Variants in FBXL17 observed in about 807,000 individuals in gnomAD.
FBXL17 encodes the protein F-box and leucine rich repeat protein 17.
Under a neutral mutation model 66.2 loss-of-function variants are expected in FBXL17, and 22 were observed. The ratio of observed to expected loss-of-function variants is 0.33; its 90% CI spans 0.24 to 0.47. The LOEUF (loss-of-function observed/expected upper bound fraction) is 0.47. FBXL17 is among the 20% of genes least tolerant of loss of function. FBXL17 has a pLI of 1.00. For synonymous variants in FBXL17, 474 were observed against 400.5 expected (o/e 1.18, Z -2.19); for missense variants, 878 against 948.2 (o/e 0.93, Z 0.97).
chr5:108,238,733 G>A (rs977920215), intron 4 of FBXL17, among the ~76,000 whole-genome samples: 6 of 152,008 alleles, frequency 3.9e-5, no homozygotes, highest in African/African-American at 1.5e-4. Flanking sequence ...TGCCCAGGCT[G>A]GTTTTGAACT....
chr5:108,297,848 C>G (rs1295917373), intron 4 of FBXL17: 1 of 872,608 alleles, frequency 1.1e-6, no homozygotes, highest in Non-Finnish European at 1.4e-6. Context: ...CATTCTATTC[C>G]TTTGGTAGAA....
At chr5:107,945,325 G>A (rs1303976817) in intron 7 of FBXL17, among the ~76,000 whole-genome samples, 1 of 152,076 alleles carries the variant, frequency 6.6e-6, no homozygotes, top group Non-Finnish European at 1.5e-5. Flanking sequence ...GTATAAATTA[G>A]CACAACTTAC....
intron 6 of FBXL17, among the ~76,000 whole-genome samples, chr5:108,104,022 A>G (rs1461566314): frequency 1.3e-5 from 2 of 152,106 alleles, no homozygotes; most frequent in African/African-American, 4.8e-5. Flanking sequence ...TCTTTCTGCA[A>G]CCAATTTTGT....
chr5:107,982,195 T>C (rs1752855955), intron 7 of FBXL17, among the ~76,000 whole-genome samples: 1 of 152,196 alleles, frequency 6.6e-6, no homozygotes, highest in Admixed American at 6.5e-5. Context: ...GAGAGTCTTG[T>C]CTTTAGTACA....
intron 7 of FBXL17, among the ~76,000 whole-genome samples, chr5:107,994,209 G>A (rs554858495): frequency 1.3e-5 from 2 of 152,178 alleles, no homozygotes; most frequent in African/African-American, 4.8e-5. Context: ...CTAGTGACAT[G>A]ATATCGCAAA....
intron 4 of FBXL17, among the ~76,000 whole-genome samples, chr5:108,232,805 A>ATATATATATATATATATATAT (rs70996987): frequency 2.9e-4 from 30 of 105,120 alleles, no homozygotes; most frequent in Non-Finnish European, 4.9e-4. Flanking sequence ...ATATATATAT[A>ATATATATATATATATATATAT]ATATATACTA....
intron 7 of FBXL17, among the ~76,000 whole-genome samples, chr5:107,925,969 A>T (rs1750511951): frequency 6.6e-6 from 1 of 152,140 alleles, no homozygotes; most frequent in South Asian, 2.1e-4. Context: ...TTTGCACATA[A>T]ATTGTGGCAT....
intron 5 of FBXL17, among the ~76,000 whole-genome samples, chr5:108,213,835 C>G (rs535916024): frequency 4.6e-5 from 7 of 152,238 alleles, no homozygotes; most frequent in African/African-American, 1.4e-4. Context: ...GTCCCTAATC[C>G]CTAATGCTAC....
chr5:108,106,253 A>G (rs1239271970), intron 6 of FBXL17, among the ~76,000 whole-genome samples: 1 of 152,222 alleles, frequency 6.6e-6, no homozygotes, highest in Non-Finnish European at 1.5e-5. Flanking sequence ...AATTGAAAAG[A>G]CAGATAATAA....
intron 7 of FBXL17, among the ~76,000 whole-genome samples, chr5:108,013,297 C>A (rs1275837373): frequency 6.6e-6 from 1 of 152,094 alleles, no homozygotes; most frequent in African/African-American, 2.4e-5. Context: ...TTGGAACTTA[C>A]CCTGAATTTT....
At chr5:108,055,296 A>AC (rs1561388181) in intron 6 of FBXL17, among the ~76,000 whole-genome samples, 12 of 31,932 alleles carry the variant, frequency 3.8e-4, no homozygotes, top group African/African-American at 1.5e-3. Flanking sequence ...AAAAAAAAAA[A>AC]AAAAAAAAAA....
intron 6 of FBXL17, among the ~76,000 whole-genome samples, chr5:108,089,516 A>G (rs988118432): frequency 5.3e-5 from 8 of 151,726 alleles, no homozygotes; most frequent in African/African-American, 1.9e-4. Context: ...CTTAATCTCT[A>G]CCTCCTCAGG....
chr5:108,143,085 C>T (rs1751418228), intron 6 of FBXL17, among the ~76,000 whole-genome samples: 1 of 151,918 alleles, frequency 6.6e-6, no homozygotes, highest in Admixed American at 6.6e-5. Flanking sequence ...AAGAACTTAA[C>T]ACCTGATGAT....
intron 7 of FBXL17, among the ~76,000 whole-genome samples, chr5:107,927,591 C>T (rs2112569752): frequency 6.6e-6 from 1 of 152,166 alleles, no homozygotes; most frequent in East Asian, 1.9e-4. Flanking sequence ...ACTATGAACA[C>T]ATAATGATTC....
intron 6 of FBXL17, among the ~76,000 whole-genome samples, chr5:108,140,840 T>A (rs1288167145): frequency 1.3e-5 from 2 of 152,114 alleles, no homozygotes; most frequent in African/African-American, 4.8e-5. Context: ...TTCTTTTTTT[T>A]TTTTACTCCC....
intron 7 of FBXL17, among the ~76,000 whole-genome samples, chr5:107,995,005 G>T (rs749722502): frequency 2.0e-5 from 3 of 152,132 alleles, no homozygotes; most frequent in Non-Finnish European, 4.4e-5. Flanking sequence ...AAGGGTCATG[G>T]GGGCATCGTG....
chr5:108,381,096 C>T lies in FBXL17; in HGVS notation c.596G>A (p.Arg199Gln). 7.8e-7 allele frequency: 1 copy of T among 1,281,642 alleles called. No homozygotes were observed. The highest frequency in any genetic ancestry group is 9.9e-7 in the Non-Finnish European group (1 of 1,015,206). The allele number at this position is 1,281,642 out of a possible 1,614,324, so 79.4% of individuals were successfully genotyped here. The change falls in exon 1 of 9, where the codon CGG becomes CAG. Residue 199 changes from arginine (R) to glutamine (Q), a missense_variant. Around this residue, in one of 4 missense-constraint regions of FBXL17, gnomAD observed 605 missense variants for 509.5 expected, o/e 1.19. Transcript: ENST00000542267. Reference protein sequence around the residue: ...LPTPPEMVCKRKGAGVPACTP... With the variant: ...LPTPPEMVCKQKGAGVPACTP... ...GCAGGCGGGGACCCCGGCCCCCTTC[C>T]GCTTGCACACCATTTCGGGGGGCGT...
At chr5:108,069,550 C>A (rs1473253119) in intron 6 of FBXL17, among the ~76,000 whole-genome samples, 1 of 152,142 alleles carries the variant, frequency 6.6e-6, no homozygotes, top group Non-Finnish European at 1.5e-5. Context: ...TAAGAACTCA[C>A]AGGAAGAAGT....
At chr5:108,372,580 T>C (rs1289140100) in intron 1 of FBXL17, among the ~76,000 whole-genome samples, 1 of 152,202 alleles carries the variant, frequency 6.6e-6, no homozygotes, top group East Asian at 1.9e-4. Context: ...AACTGATTTT[T>C]CACTGGAAAC....
Sources: gnomAD v4.1 joint callset for allele counts (sites outside exome capture counted in the v4.1 genomes callset) on GRCh38, gnomAD v4.1.1 for gene constraint, gnomAD v4.1.1 regional missense constraint, MANE v1.5 for transcripts, NCBI Gene and HGNC (gene_info 2026-07-23, HGNC 2026-07-21) for gene names.